RPGR: variants seen among roughly 807,000 people sequenced by gnomAD.
RPGR encodes X-linked retinitis pigmentosa GTPase regulator.
RPGR carries 10 observed loss-of-function variants against 56.3 expected under a neutral mutation model. The observed-to-expected ratio is 0.18, with a 90% CI of 0.11 to 0.30. RPGR has a LOEUF of 0.30. Among genes scored for constraint, RPGR ranks in the 10% least tolerant of loss-of-function variants. The pLI is 1.00. For missense variants in RPGR, 538 were observed against 590.9 expected (o/e 0.91, Z 0.93); for synonymous variants, 197 against 212.9 (o/e 0.93, Z 0.65).
chrX:38,292,001 A>C (rs5963393), intron 11 of RPGR, among the ~76,000 whole-genome samples: 2 of 107,684 alleles, frequency 1.9e-5, no homozygotes, highest in East Asian at 3.0e-4. Flanking sequence ...CTCCACCCCC[A>C]GCTACACTCG....
rs1410538281 is a variant in RPGR at position 38,286,056 on chromosome X, C to G, written c.1905+1038G>C. 1.4e-5 allele frequency: 7 copies of G among 489,325 alleles called. No homozygotes were observed. In the African/African-American group the frequency reaches 2.9e-4, roughly 20 times the overall value. 40.3% of individuals were successfully genotyped at this position (489,325 alleles called of 1,213,427 possible). ...CCTCCCCTTCTCCTTCCTCCTCTTC[C>G]CCCTCCCCTTCTCCTTCCTCCCCTT... On this transcript the variant is annotated intron_variant, in intron 15 of 18. Transcript: ENST00000642395.
intron 11 of RPGR, among the ~76,000 whole-genome samples, chrX:38,296,565 G>A (rs180947887): frequency 9.0e-5 from 10 of 111,432 alleles, no homozygotes; most frequent in Admixed American, 3.8e-4. Context: ...AGGTAGTGAC[G>A]CAAAGGTATT....
intron 15 of RPGR, among the ~76,000 whole-genome samples, chrX:38,283,852 CA>C (rs1355929181): frequency 1.8e-5 from 2 of 111,512 alleles, no homozygotes; most frequent in Non-Finnish European, 3.8e-5. Context: ...CTGTGTCATC[CA>C]TCTTAATTAT....
intron 15 of RPGR, chrX:38,285,709 T>C: frequency 8.3e-7 from 1 of 1,211,442 alleles, no homozygotes; most frequent in Non-Finnish European, 1.1e-6. Context: ...ATGTTTGCCA[T>C]ATTTCACAGA....
At chrX:38,286,785 T>C (rs748570356) in intron 15 of RPGR, 15 of 1,159,513 alleles carry the variant, frequency 1.3e-5, no homozygotes, top group Non-Finnish European at 1.7e-5. Context: ...CCTCTTCTTC[T>C]CCTTCTCCAT....
chrX:38,300,299 T>C (rs1000926397), intron 9 of RPGR, among the ~76,000 whole-genome samples: 3 of 111,767 alleles, frequency 2.7e-5, no homozygotes, highest in African/African-American at 9.8e-5. Flanking sequence ...CATAGTAGGC[T>C]TTCATTAAAT....
chrX:38,289,021 A>T (rs1051073865), intron 13 of RPGR, among the ~76,000 whole-genome samples: 1 of 110,986 alleles, frequency 9.0e-6, no homozygotes, highest in African/African-American at 3.3e-5. Flanking sequence ...ACCTCAAGTG[A>T]TCTGCCCATC....
chrX:38,281,451 T>C lies in RPGR; in HGVS notation c.1906-4679A>G, dbSNP rs770868283. On this transcript the variant is annotated intron_variant, in intron 15 of 18. Coordinates refer to ENST00000642395, the MANE Select transcript of RPGR (RefSeq NM_000328.3). ...ACCTTATACTTAAGCATGATCATTA[T>C]TGCAATCTACTTTATTCCCACAGAT... Among the ~76,000 whole-genome samples, 6 of 112,353 alleles carry C rather than the reference T, an allele frequency of 5.3e-5. No homozygotes were observed. The East Asian group carries it at 8.4e-4, about 16-fold the overall frequency.
intron 16 of RPGR, chrX:38,275,256 A>G: frequency 1.7e-6 from 1 of 589,690 alleles, no homozygotes; most frequent in Non-Finnish European, 2.8e-6. Flanking sequence ...CTAATGACAT[A>G]AACATGTGAC....
At chrX:38,300,487 C>T (rs1377109489) in intron 9 of RPGR, among the ~76,000 whole-genome samples, 1 of 111,692 alleles carries the variant, frequency 9.0e-6, no homozygotes, top group Non-Finnish European at 1.9e-5. Context: ...TGAAATAATA[C>T]ATCCTTAACC....
intron 15 of RPGR, among the ~76,000 whole-genome samples, chrX:38,277,063 T>C (rs751247209): frequency 8.9e-6 from 1 of 111,914 alleles, no homozygotes; most frequent in African/African-American, 3.2e-5. Flanking sequence ...TCTTTCTTGG[T>C]TGTCTCACAA....
intron 13 of RPGR, among the ~76,000 whole-genome samples, chrX:38,288,693 G>A (rs542346097): frequency 9.0e-6 from 1 of 111,655 alleles, no homozygotes; most frequent in South Asian, 3.7e-4. Flanking sequence ...CAACAAGAGC[G>A]AAATTCCATT....
chrX:38,299,869 A>AT (rs2067470294), intron 9 of RPGR, among the ~76,000 whole-genome samples: 1 of 111,927 alleles, frequency 8.9e-6, no homozygotes, highest in African/African-American at 3.2e-5. Context: ...TTTAAAAATT[A>AT]TAAGACTGTA....
intron 15 of RPGR, chrX:38,284,884 C>G: frequency 4.0e-6 from 3 of 749,349 alleles, no homozygotes; most frequent in Non-Finnish European, 4.7e-6. Flanking sequence ...AAATTAATCA[C>G]CATTTCATTA....
chrX:38,277,313 C>G (rs775380501), intron 15 of RPGR, among the ~76,000 whole-genome samples: 70 of 111,385 alleles, frequency 6.3e-4, no homozygotes, highest in Non-Finnish European at 2.1e-4. Flanking sequence ...GAAGGAAAAC[C>G]AAACAGAGGC....
At chrX:38,300,789 C>G (rs1294650145) in intron 9 of RPGR, among the ~76,000 whole-genome samples, 1 of 112,328 alleles carries the variant, frequency 8.9e-6, no homozygotes, top group East Asian at 2.8e-4. Context: ...CCCGCCTTGG[C>G]CTCCCAAAGT....
chrX:38,318,781 T>C, intron 5 of RPGR, 48 bp downstream of exon 5: 7 of 1,188,189 alleles, frequency 5.9e-6, no homozygotes, highest in Non-Finnish European at 6.9e-6. Flanking sequence ...CATATATTGA[T>C]CTACAGGAAA....
chrX:38,288,132 AT>A, intron 13 of RPGR, 91 bp from the exon 14 acceptor site: 1 of 849,457 alleles, frequency 1.2e-6, no homozygotes, highest in Non-Finnish European at 1.7e-6. Context: ...AAGATTTTAC[AT>A]TTTTATAAGT....
intron 6 of RPGR, 129 bp downstream of exon 6, chrX:38,317,187 C>T: frequency 1.4e-6 from 1 of 713,660 alleles, no homozygotes; most frequent in Non-Finnish European, 2.1e-6. Flanking sequence ...TAAAACAGAC[C>T]AAAATAATTT....
Sources: gnomAD v4.1 joint callset for allele counts (sites outside exome capture counted in the v4.1 genomes callset) on GRCh38, gnomAD v4.1.1 for gene constraint, MANE v1.5 for transcripts, NCBI Gene and HGNC (gene_info 2026-07-23, HGNC 2026-07-21) for gene names.